Variants in CAPZA2 observed in about 807,000 individuals in gnomAD.
CAPZA2 encodes the protein F-actin-capping protein subunit alpha-2.
In CAPZA2, 13 loss-of-function variants were observed where a neutral mutation model predicts 44.0. The ratio of observed to expected loss-of-function variants is 0.30; its 90% CI spans 0.19 to 0.47. CAPZA2 has a LOEUF of 0.47. CAPZA2 is among the 20% of genes least tolerant of loss of function. The pLI is 1.00. For synonymous variants in CAPZA2, 94 were observed against 108.2 expected, an observed-to-expected ratio of 0.87 and a Z score of 0.81; for missense variants, 244 against 338.6, an observed-to-expected ratio of 0.72 and a Z score of 2.19.
chr7:116,906,222 G>T (rs762665228), intron 5 of CAPZA2, 41 bp from the exon 6 acceptor site: 7 of 1,598,506 alleles, frequency 4.4e-6, no homozygotes, highest in Non-Finnish European at 5.9e-6. Flanking sequence ...ACATTCCATG[G>T]CCCTAAATTC....
intron 1 of CAPZA2, among the ~76,000 whole-genome samples, chr7:116,878,719 G>A (rs1222802956): frequency 1.3e-5 from 2 of 152,318 alleles, no homozygotes; most frequent in Admixed American, 6.5e-5. Flanking sequence ...TGTATGGGAA[G>A]TGAATGCACT....
rs71148345 is a variant in CAPZA2, at chr7:116,914,432, TACAC to T, written c.658-1593_658-1590del. 4.7e-3 allele frequency among the ~76,000 whole-genome samples: 683 copies of T among 145,220 alleles called. 4 individuals are homozygous for T. Among genetic ancestry groups the T allele is most frequent in the African/African-American group, 9.1e-3 (356 of 39,058 alleles). On this transcript the variant is annotated intron_variant, in intron 8 of 9. Coordinates refer to ENST00000361183, the MANE Select transcript of CAPZA2 (RefSeq NM_006136.3). ...TAAGCTATATTTACATATACATACA[TACAC>T]ACACACACACACACACACACACACA...
chr7:116,904,593 C>T (rs2115959954), intron 5 of CAPZA2: 1 of 479,914 alleles, frequency 2.1e-6, no homozygotes, highest in African/African-American at 2.0e-5. Flanking sequence ...AATGGTTGTA[C>T]CTTGATTTAA....
intron 4 of CAPZA2, among the ~76,000 whole-genome samples, chr7:116,902,158 C>T (rs1376087015): frequency 2.8e-4 from 43 of 152,068 alleles, no homozygotes; most frequent in Non-Finnish European, 1.5e-5. Flanking sequence ...AGTTGGACCT[C>T]TGTCACATAC....
In CAPZA2 at chr7:116,903,302, TATAAA is replaced by T. The variant is rs544919061; in HGVS notation, c.220-870_220-866del. On this transcript the variant is annotated intron_variant, in intron 4 of 9. Coordinates refer to ENST00000361183, the MANE Select transcript of CAPZA2 (RefSeq NM_006136.3). ...CACACACACATTTTCATTGCATTCT[TATAAA>T]ATAATGACCAGTCGCTTCTCGGCCT... Among the ~76,000 whole-genome samples the T allele has an allele frequency of 2.4e-3, 363 of 151,618 alleles. 4 individuals are homozygous for T. The highest frequency in any genetic ancestry group is 8.3e-3 in the African/African-American group (345 of 41,328).
At chr7:116,866,530 T>A (rs1475214254) in intron 1 of CAPZA2, among the ~76,000 whole-genome samples, 1 of 152,214 alleles carries the variant, frequency 6.6e-6, no homozygotes, top group Admixed American at 6.5e-5. Context: ...TCATTTTCAT[T>A]CCTGGGTCAG....
chr7:116,874,558 A>G lies in CAPZA2; in HGVS notation c.39+11908A>G, dbSNP rs747490175. ...CTTTGCCAGCAGCACGTCAAGTGCA[A>G]TGTATAGCAAGCAATATCCAAGCAT... On this transcript the variant is annotated intron_variant, in intron 1 of 9. Coordinates refer to ENST00000361183, the MANE Select transcript of CAPZA2 (RefSeq NM_006136.3). 4.6e-5 allele frequency: 7 copies of G among 152,252 alleles called. 1 individual carries two copies. The highest frequency in any genetic ancestry group is 9.6e-5 in the African/African-American group (4 of 41,464). The allele number at this position is 152,252 out of a possible 1,614,324, so 9.4% of individuals were successfully genotyped here. A position where few individuals can be genotyped will look rare whatever the true frequency, so the allele number is the denominator to read the frequency against.
chr7:116,910,927 GTTGCAGTGAGCCGAGA>G (rs1280245231), intron 7 of CAPZA2, among the ~76,000 whole-genome samples: 1 of 142,700 alleles, frequency 7.0e-6, no homozygotes, highest in African/African-American at 2.7e-5. Context: ...GGAGGCAGAG[GTTGCAGTGAGCCGAGA>G]TTGCGCCACT....
At chr7:116,891,181 TA>T (rs1796842202) in intron 2 of CAPZA2, among the ~76,000 whole-genome samples, 1 of 152,234 alleles carries the variant, frequency 6.6e-6, no homozygotes, top group Non-Finnish European at 1.5e-5. Flanking sequence ...ATCCTCTTTT[TA>T]TTTCTTCTAC....
intron 1 of CAPZA2, among the ~76,000 whole-genome samples, chr7:116,878,278 A>G (rs1796646027): frequency 6.6e-6 from 1 of 152,224 alleles, no homozygotes; most frequent in South Asian, 2.1e-4. Context: ...GTTCCTCACA[A>G]AAGAATCGTC....
At chr7:116,891,031 A>G (rs1271246426) in intron 2 of CAPZA2, among the ~76,000 whole-genome samples, 2 of 152,128 alleles carry the variant, frequency 1.3e-5, no homozygotes, top group Non-Finnish European at 2.9e-5. Context: ...AAACATCTCA[A>G]ACATATAGTC....
chr7:116,911,760 A>G (rs905528378), intron 7 of CAPZA2, among the ~76,000 whole-genome samples: 2 of 152,218 alleles, frequency 1.3e-5, no homozygotes, highest in African/African-American at 4.8e-5. Flanking sequence ...TTGGGAAGGA[A>G]TATTGTGAGC....
intron 9 of CAPZA2, 59 bp downstream of exon 9, chr7:116,916,181 T>C (rs1791676881): frequency 1.4e-6 from 2 of 1,439,130 alleles, no homozygotes; most frequent in Admixed American, 5.4e-5. Flanking sequence ...GTCACTGAAA[T>C]TTTAATTTCA....
chr7:116,912,102 G>T lies in CAPZA2; in HGVS notation c.619G>T (p.Val207Leu), dbSNP rs1791604641. 1 of 1,612,904 alleles carries T rather than the reference G, an allele frequency of 6.2e-7. No individual in the cohort carries two copies. The change falls in exon 8 of 10, where the codon GTG (valine) becomes TTG (leucine). Residue 207 changes from valine to leucine, a missense_variant. Coordinates refer to ENST00000361183, the MANE Select transcript of CAPZA2 (RefSeq NM_006136.3). Reference protein sequence around the residue: ...HYYEDGNVQLVSHKDIQDSLT... With the variant: ...HYYEDGNVQLLSHKDIQDSLT... ...TTATGAAGATGGTAATGTTCAGCTAGTGAGTCATAAAGATATACAAGATTC... is the reference window on the plus strand; with the variant it reads ...TTATGAAGATGGTAATGTTCAGCTATTGAGTCATAAAGATATACAAGATTC...
At chr7:116,890,569 C>T (rs11772511) in intron 2 of CAPZA2, among the ~76,000 whole-genome samples, 2 of 26,958 alleles carry the variant, frequency 7.4e-5, no homozygotes, top group Non-Finnish European at 6.1e-5. Context: ...TATATATATA[C>T]ACATATATAT....
intron 4 of CAPZA2, among the ~76,000 whole-genome samples, chr7:116,900,457 T>C (rs1327189323): frequency 2.0e-5 from 3 of 150,798 alleles, no homozygotes; most frequent in Non-Finnish European, 4.4e-5. Context: ...GATGTCTGAA[T>C]TTAAGGTAAG....
At chr7:116,899,066 G>T (rs558526626) in intron 4 of CAPZA2, among the ~76,000 whole-genome samples, 3 of 152,058 alleles carry the variant, frequency 2.0e-5, no homozygotes, top group Admixed American at 2.0e-4. Flanking sequence ...TTTAGTAAAT[G>T]ATTACTGTAA....
intron 4 of CAPZA2, among the ~76,000 whole-genome samples, chr7:116,899,747 T>C (rs1195961607): frequency 6.6e-6 from 1 of 151,458 alleles, no homozygotes; most frequent in East Asian, 1.9e-4. Flanking sequence ...TTTTTTGGGA[T>C]AAATTGCTAT....
At chr7:116,890,312 A>G (rs1796814167) in intron 2 of CAPZA2, among the ~76,000 whole-genome samples, 1 of 151,544 alleles carries the variant, frequency 6.6e-6, no homozygotes, top group African/African-American at 2.4e-5. Flanking sequence ...GTAGAGGGTA[A>G]GCTATGGAAT....
Sources: gnomAD v4.1 joint callset for allele counts (sites outside exome capture counted in the v4.1 genomes callset) on GRCh38, gnomAD v4.1.1 for gene constraint, MANE v1.5 for transcripts, NCBI Gene and HGNC (gene_info 2026-07-23, HGNC 2026-07-21) for gene names.